PRICKLE1: variants seen among roughly 807,000 people sequenced by gnomAD.
PRICKLE1 encodes prickle planar cell polarity protein 1, also known as prickle-like protein 1.
A neutral mutation model predicts 70.2 loss-of-function variants in PRICKLE1; 14 were observed. That is an observed-to-expected ratio of 0.20 (90% CI 0.13 to 0.31). The LOEUF (loss-of-function observed/expected upper bound fraction) is 0.31. Ranked by LOEUF, PRICKLE1 falls within the 10% of genes least tolerant of loss-of-function variation. The pLI, the probability that PRICKLE1 is intolerant of heterozygous loss-of-function variation, is 1.00. For missense variants in PRICKLE1, 821 were observed against 1,026.2 expected (o/e 0.80, Z 2.73); for synonymous variants, 357 against 379.9 (o/e 0.94, Z 0.70).
rs201450953 is a variant in PRICKLE1 at position 42,464,390 on chromosome 12, C to T, written c.1639+5G>A. On this transcript the variant is annotated splice_donor_5th_base_variant and intron_variant, in intron 7 of 7. Transcript: ENST00000345127. This position sits in a 1 kb window ranked among gnomAD's most constrained non-coding sequence, Gnocchi z 4.2. ...CAAATACCCCATAATCCCTAGATTACGTACCTGTGATATTGGACAATGCCA... is the reference window on the plus strand; with the variant it reads ...CAAATACCCCATAATCCCTAGATTATGTACCTGTGATATTGGACAATGCCA... 16 of 1,613,996 alleles carry T rather than the reference C, an allele frequency of 9.9e-6. 1 individual carries two copies. The highest frequency in any genetic ancestry group is 3.3e-4 in the Middle Eastern group (2 of 6,084).
chr12:42,466,462 G>C, intron 5 of PRICKLE1, 82 bp from the exon 6 acceptor site: 1 of 1,253,942 alleles, frequency 8.0e-7, no homozygotes, highest in Non-Finnish European at 1.2e-6. Flanking sequence ...CATGTTTTCC[G>C]GGCAATGGAC....
At chr12:42,487,948 A>AG (rs1309781364) in intron 1 of PRICKLE1, among the ~76,000 whole-genome samples, 1 of 152,184 alleles carries the variant, frequency 6.6e-6, no homozygotes. Context: ...TGGGAGGCTG[A>AG]GGCAAGAGAA....
Position 42,464,370 on chromosome 12 carries a change from AC to A in PRICKLE1, c.1639+24del. 1 of 1,613,938 alleles carries A rather than the reference AC, an allele frequency of 6.2e-7. No individual in the cohort carries two copies. The highest frequency in any genetic ancestry group is 8.5e-7 in the Non-Finnish European group (1 of 1,179,954). ...TTTTTAGTAGCTCCTTTTTTCAAAT[AC>A]CCCATAATCCCTAGATTACGTACCT... On this transcript the variant is annotated intron_variant, in intron 7 of 7. Transcript: ENST00000345127. This position sits in a 1 kb window ranked among gnomAD's most constrained non-coding sequence, Gnocchi z 4.2.
intron 1 of PRICKLE1, among the ~76,000 whole-genome samples, chr12:42,588,196 G>A (rs1024343840): frequency 6.6e-6 from 1 of 151,734 alleles, no homozygotes; most frequent in African/African-American, 2.4e-5. Flanking sequence ...ACCCTCACCA[G>A]TCTACACCTT....
rs764986581 is a variant in PRICKLE1 at position 42,472,418 on chromosome 12, G to A, written c.99C>T (p.Tyr33=). ...DDDSGCALEE[Y]AWVPPGLRPE... ...GTCTCAGGCCCGGGGGGACCCAGGCGTACTCCTCCAATGCACAGCCAGAGT... is the reference window on the plus strand; with the variant it reads ...GTCTCAGGCCCGGGGGGACCCAGGCATACTCCTCCAATGCACAGCCAGAGT... Residue 33 remains tyrosine (Y), a synonymous_variant, in exon 2 of 8, where the codon TAC becomes TAT. Transcript: ENST00000345127. 126 of 1,613,930 alleles carry A rather than the reference G, an allele frequency of 7.8e-5. No homozygotes were observed. The highest frequency in any genetic ancestry group is 9.6e-5 in the Non-Finnish European group (113 of 1,179,998).
At chr12:42,501,512 A>C (rs1939307745) in intron 1 of PRICKLE1, among the ~76,000 whole-genome samples, 1 of 78,302 alleles carries the variant, frequency 1.3e-5, no homozygotes, top group Non-Finnish European at 2.3e-5. Flanking sequence ...CCATCTCAAA[A>C]AAAAAAAAAA....
intron 1 of PRICKLE1, among the ~76,000 whole-genome samples, chr12:42,581,640 G>T (rs999682748): frequency 7.9e-5 from 12 of 151,818 alleles, no homozygotes; most frequent in Non-Finnish European, 1.6e-4. Flanking sequence ...CCAGCTACTT[G>T]GGAGGCTGAG....
chr12:42,550,506 T>A (rs1940296715), intron 1 of PRICKLE1, among the ~76,000 whole-genome samples: 1 of 152,212 alleles, frequency 6.6e-6, no homozygotes, highest in Non-Finnish European at 1.5e-5. Flanking sequence ...TATCAGTTTA[T>A]CCTTTCTTTG....
intron 1 of PRICKLE1, among the ~76,000 whole-genome samples, chr12:42,507,025 T>C (rs149851142): frequency 2.8e-4 from 43 of 152,306 alleles, no homozygotes; most frequent in African/African-American, 9.9e-4. Context: ...AACCCATTAT[T>C]TGGGGGACAT....
intron 1 of PRICKLE1, among the ~76,000 whole-genome samples, chr12:42,579,635 T>C (rs1204513738): frequency 6.6e-6 from 1 of 152,186 alleles, no homozygotes; most frequent in Non-Finnish European, 1.5e-5. Context: ...AGAGGGCATA[T>C]GGTAGGAAGA....
intron 1 of PRICKLE1, among the ~76,000 whole-genome samples, chr12:42,573,014 T>TA (rs111792737): frequency 0.26 from 39,202 of 151,946 alleles, 7,327 homozygotes; most frequent in African/African-American, 0.53. Context: ...CTTGTATGTT[T>TA]AAAAAATTTT....
intron 1 of PRICKLE1, among the ~76,000 whole-genome samples, chr12:42,527,878 A>G (rs948067309): frequency 2.2e-4 from 32 of 146,800 alleles, no homozygotes; most frequent in African/African-American, 7.8e-4. Context: ...AATCTATTAA[A>G]TAGGGGCTAC....
chr12:42,535,131 T>C (rs905719956), intron 1 of PRICKLE1, among the ~76,000 whole-genome samples: 6 of 152,152 alleles, frequency 3.9e-5, no homozygotes, highest in African/African-American at 1.4e-4. Context: ...GGTATATGAC[T>C]GATGGCACAT....
At chr12:42,584,987 G>A (rs1940963899) in intron 1 of PRICKLE1, among the ~76,000 whole-genome samples, 1 of 151,912 alleles carries the variant, frequency 6.6e-6, no homozygotes, top group Admixed American at 6.6e-5. Flanking sequence ...TTAGAAAGGA[G>A]TCCATGACTT....
chr12:42,555,212 G>A (rs542793813), intron 1 of PRICKLE1, among the ~76,000 whole-genome samples: 43 of 152,246 alleles, frequency 2.8e-4, no homozygotes, highest in Non-Finnish European at 5.1e-4. Flanking sequence ...GCTGAGACAG[G>A]AGAATCACTT....
chr12:42,496,092 A>G (rs1443343173), intron 1 of PRICKLE1, among the ~76,000 whole-genome samples: 2 of 152,218 alleles, frequency 1.3e-5, no homozygotes, highest in African/African-American at 4.8e-5. Flanking sequence ...TTATAGCCTT[A>G]AGAAATGTAT....
At chr12:42,463,070 C>T (rs1027383725) in intron 7 of PRICKLE1, among the ~76,000 whole-genome samples, 4 of 152,292 alleles carry the variant, frequency 2.6e-5, no homozygotes, top group Admixed American at 6.5e-5. Context: ...CCTGTAATCC[C>T]AGCACTTTGG....
chr12:42,527,118 TTTTTTTCCTC>T (rs1362312050), intron 1 of PRICKLE1, among the ~76,000 whole-genome samples: 3 of 138,130 alleles, frequency 2.2e-5, no homozygotes, highest in Non-Finnish European at 3.1e-5. Flanking sequence ...GCTTTCTTTT[TTTTTTTCCTC>T]TTTTTTTTTT....
At chr12:42,540,221 CT>C (rs1228430175) in intron 1 of PRICKLE1, among the ~76,000 whole-genome samples, 5 of 152,326 alleles carry the variant, frequency 3.3e-5, no homozygotes, top group Admixed American at 2.0e-4. Flanking sequence ...GAGAGGATAA[CT>C]GATAGAATGT....
Sources: gnomAD v4.1 joint callset for allele counts (sites outside exome capture counted in the v4.1 genomes callset) on GRCh38, gnomAD v4.1.1 for gene constraint, Gnocchi (gnomAD v3.1) non-coding constraint, MANE v1.5 for transcripts, NCBI Gene and HGNC (gene_info 2026-07-23, HGNC 2026-07-21) for gene names.